The following DEPDC4 variants were observed in gnomAD, a reference collection of about 807,000 sequenced individuals.
DEPDC4 encodes DEP domain containing 4.
In DEPDC4, 52 loss-of-function variants were observed where a neutral mutation model predicts 52.0. The observed-to-expected ratio is 1.00, with a 90% CI of 0.80 to 1.26. DEPDC4 has a LOEUF of 1.26. DEPDC4 is among the 50% of genes most tolerant of loss of function. The pLI is 0.00. For missense variants in DEPDC4, 530 were observed against 546.9 expected (o/e 0.97, Z 0.31); for synonymous variants, 201 against 196.8 (o/e 1.02, Z -0.18).
chr12:100,254,926 A>G (rs893207892), intron 4 of DEPDC4, among the ~76,000 whole-genome samples: 5 of 152,040 alleles, frequency 3.3e-5, no homozygotes, highest in Non-Finnish European at 7.4e-5. Context: ...GGGTCTCACT[A>G]TGTTGCCCAT....
intron 8 of DEPDC4, among the ~76,000 whole-genome samples, chr12:100,243,325 T>A (rs964845236): frequency 6.6e-6 from 1 of 152,152 alleles, no homozygotes; most frequent in Non-Finnish European, 1.5e-5. Flanking sequence ...GAATTATGCA[T>A]CAATCCCTGT....
chr12:100,267,407 G>A (rs908740604), upstream of DEPDC4: 86 of 214,958 alleles, frequency 4.0e-4, no homozygotes, highest in African/African-American at 1.9e-3. Context: ...GTAAGTGACC[G>A]GCCGCCGGCA....
At chr12:100,243,644 T>C (rs564787243) in intron 8 of DEPDC4, among the ~76,000 whole-genome samples, 1 of 152,074 alleles carries the variant, frequency 6.6e-6, no homozygotes, top group South Asian at 2.1e-4. Flanking sequence ...CAGCATCTCT[T>C]TTTTTTCAAT....
At chr12:100,264,509 C>T (rs1378075189) in intron 1 of DEPDC4, among the ~76,000 whole-genome samples, 2 of 151,942 alleles carry the variant, frequency 1.3e-5, no homozygotes, top group Non-Finnish European at 2.9e-5. Context: ...CGAGACTCCA[C>T]CTCTACTAAA....
rs1314990065 is a variant in DEPDC4, at chr12:100,253,551, T to C, written c.1043A>G (p.Glu348Gly). ...CTCATCAGTTAATAGGCAATCTCTCTCTTGAGCATAGTATTTTGCTATGAC... is the reference window on the plus strand; with the variant it reads ...CTCATCAGTTAATAGGCAATCTCTCCCTTGAGCATAGTATTTTGCTATGAC... ...FDVIAKYYAQ[E>G]RDCLLTDEYF... Residue 348 changes from glutamate (E) to glycine (G), a missense_variant, in exon 5 of 10, where the codon GAG becomes GGG. By Grantham distance (98) the Glu-to-Gly change is moderately conservative (BLOSUM62 -2). Coordinates refer to ENST00000550587, the MANE Select transcript of DEPDC4 (RefSeq NM_001364818.2). The C allele has an allele frequency of 3.1e-6, 4 of 1,288,770 alleles. No homozygotes were observed. In the East Asian group the frequency reaches 1.7e-4, roughly 54 times the overall value. The allele number at this position is 1,288,770 out of a possible 1,614,324, so 79.8% of individuals were successfully genotyped here.
intron 2 of DEPDC4, among the ~76,000 whole-genome samples, chr12:100,262,800 G>A (rs938986904): frequency 2.6e-5 from 4 of 152,100 alleles, no homozygotes; most frequent in African/African-American, 4.8e-5. Flanking sequence ...ATGTGATAAT[G>A]TCTTCAACAA....
chr12:100,266,880 C>T (rs760719861), intron 1 of DEPDC4, 40 bp downstream of exon 1: 4 of 1,591,918 alleles, frequency 2.5e-6, no homozygotes, highest in Non-Finnish European at 3.4e-6. Flanking sequence ...GCTGCCCCCT[C>T]CACCTTCACT....
At chr12:100,278,722 C>T in the DEPDC4 span, among the ~76,000 whole-genome samples, 5 of 150,450 alleles carry the variant, frequency 3.3e-5, no homozygotes, top group Non-Finnish European at 7.4e-5. Context: ...CTTCACCTCC[C>T]GGGTTCAAGC....
intron 8 of DEPDC4, among the ~76,000 whole-genome samples, chr12:100,246,545 A>G (rs896467937): frequency 1.3e-5 from 2 of 152,230 alleles, no homozygotes; most frequent in African/African-American, 4.8e-5. Flanking sequence ...TTCTGGCACA[A>G]CTATAGAGAT....
the DEPDC4 span, among the ~76,000 whole-genome samples, chr12:100,281,784 A>G: frequency 6.6e-6 from 1 of 151,118 alleles, no homozygotes; most frequent in East Asian, 2.0e-4. Context: ...CAGTGAGCCA[A>G]GTTCATGCCA....
chr12:100,235,517 A>G (rs1210488340), downstream of DEPDC4, among the ~76,000 whole-genome samples: 1 of 151,494 alleles, frequency 6.6e-6, no homozygotes, highest in Non-Finnish European at 1.5e-5. Context: ...GTAGCCTTTT[A>G]TCCCTTACCC....
chr12:100,269,084 G>A (rs2096284246), upstream of DEPDC4, among the ~76,000 whole-genome samples: 1 of 152,144 alleles, frequency 6.6e-6, no homozygotes, highest in Admixed American at 6.5e-5. Flanking sequence ...TTTTCAAAAT[G>A]CAGACCTAAT....
At chr12:100,264,031 C>G in intron 1 of DEPDC4, 138 bp from the exon 2 acceptor site, 1 of 760,126 alleles carries the variant, frequency 1.3e-6, no homozygotes, top group Non-Finnish European at 2.1e-6. Context: ...TCACATCTTA[C>G]ATAAACTATA....
Position 100,263,479 on chromosome 12 carries a change from A to G in DEPDC4, c.554+18T>C. 1 of 1,544,816 alleles carries G rather than the reference A, an allele frequency of 6.5e-7. No individual in the cohort carries two copies. The highest frequency in any genetic ancestry group is 8.7e-7 in the Non-Finnish European group (1 of 1,149,084). On this transcript the variant is annotated intron_variant, in intron 2 of 9. Transcript: ENST00000550587. ...GGGTCTAAATAAAATATATTACAGTATCTTAGGTAACACTAACCTCAAGGT... is the reference window on the plus strand; with the variant it reads ...GGGTCTAAATAAAATATATTACAGTGTCTTAGGTAACACTAACCTCAAGGT...
rs2096154394 is a variant in DEPDC4, at chr12:100,240,548, G to C, written c.*1344C>G. 6.6e-6 allele frequency among the ~76,000 whole-genome samples: 1 copy of C among 151,946 alleles called. No homozygotes were observed. The highest frequency in any genetic ancestry group is 1.5e-5 in the Non-Finnish European group (1 of 68,012). ...ACATTAGGGAATGATGCCATAGAGT[G>C]AACTAACCAATTTAAAACAAAGAAA... On this transcript the variant is annotated 3_prime_UTR_variant, in exon 10 of 10. Coordinates refer to ENST00000550587, the MANE Select transcript of DEPDC4 (RefSeq NM_001364818.2).
downstream of DEPDC4, among the ~76,000 whole-genome samples, chr12:100,239,217 C>T (rs192592293): frequency 2.0e-5 from 3 of 152,064 alleles, no homozygotes; most frequent in Non-Finnish European, 4.4e-5. Context: ...GCTGGGATTA[C>T]AGGTGCCCAC....
chr12:100,243,232 G>A (rs915198784), intron 8 of DEPDC4, among the ~76,000 whole-genome samples: 2 of 152,084 alleles, frequency 1.3e-5, no homozygotes, highest in South Asian at 2.1e-4. Flanking sequence ...CAGATAAAAG[G>A]GGGGGTACTG....
At chr12:100,249,672 G>A (rs3887427) in intron 7 of DEPDC4, among the ~76,000 whole-genome samples, 16,929 of 152,132 alleles carry the variant, frequency 0.11, 1,261 homozygotes, top group African/African-American at 0.22. Flanking sequence ...CCTTCATCCT[G>A]GCTCGCAGGC....
upstream of DEPDC4, among the ~76,000 whole-genome samples, chr12:100,271,279 A>T (rs1030270417): frequency 2.6e-5 from 4 of 150,948 alleles, no homozygotes; most frequent in African/African-American, 7.3e-5. Flanking sequence ...AAAAAAAAAA[A>T]AAAGAGAGAG....
Sources: gnomAD v4.1 joint callset for allele counts (sites outside exome capture counted in the v4.1 genomes callset) on GRCh38, gnomAD v4.1.1 for gene constraint, MANE v1.5 for transcripts, NCBI Gene and HGNC (gene_info 2026-07-23, HGNC 2026-07-21) for gene names.